KAZN: variants seen among roughly 807,000 people sequenced by gnomAD.
KAZN encodes the protein kazrin.
Under a neutral mutation model 87.4 loss-of-function variants are expected in KAZN, and 40 were observed. The ratio of observed to expected loss-of-function variants is 0.46; its 90% confidence interval spans 0.36 to 0.60. The LOEUF is 0.60. KAZN is among the 20% of genes least tolerant of loss of function. KAZN has a pLI of 0.00. For synonymous variants in KAZN, 466 were observed against 458.3 expected, an observed-to-expected ratio of 1.02 and a Z score of -0.22; for missense variants, 898 against 1,073.9, an observed-to-expected ratio of 0.84 and a Z score of 2.29.
chr1:14,702,367 G>GTGTGTGTGT (rs1641978149), intron 1 of KAZN, among the ~76,000 whole-genome samples: 8 of 52,730 alleles, frequency 1.5e-4, no homozygotes, highest in South Asian at 1.3e-3. Flanking sequence ...TGTGTGTGTG[G>GTGTGTGTGT]ATTTCTCTGT....
At chr1:14,671,433 G>A (rs574803957) in intron 1 of KAZN, among the ~76,000 whole-genome samples, 102 of 152,250 alleles carry the variant, frequency 6.7e-4, no homozygotes, top group African/African-American at 2.5e-3. Flanking sequence ...CACGTACTGG[G>A]GGAGATGGCA....
At chr1:14,542,645 C>G (rs1186020035) in intron 2 of KAZN, among the ~76,000 whole-genome samples, 2 of 152,084 alleles carry the variant, frequency 1.3e-5, no homozygotes, top group Non-Finnish European at 2.9e-5. Flanking sequence ...GAGTGCAGAT[C>G]CCGTCACCCT....
intron 2 of KAZN, chr1:14,304,459 G>A (rs934860848): frequency 2.5e-5 from 10 of 394,706 alleles, no homozygotes; most frequent in Admixed American, 1.8e-4. Context: ...TCCATCCCAC[G>A]AGGTCTGACT....
At chr1:14,093,802 A>G (rs953708516) in intron 1 of KAZN, among the ~76,000 whole-genome samples, 1 of 152,250 alleles carries the variant, frequency 6.6e-6, no homozygotes, top group African/African-American at 2.4e-5. Flanking sequence ...CTTTATGCTT[A>G]GGTTCAATGA....
intron 1 of KAZN, among the ~76,000 whole-genome samples, chr1:14,766,102 A>G (rs192465884): frequency 6.9e-4 from 105 of 152,302 alleles, no homozygotes; most frequent in African/African-American, 2.4e-3. Flanking sequence ...ACAGGAGAGG[A>G]AAACAGACAG....
At chr1:14,389,105 C>G (rs1044469203) in intron 2 of KAZN, among the ~76,000 whole-genome samples, 5 of 152,122 alleles carry the variant, frequency 3.3e-5, no homozygotes, top group African/African-American at 1.2e-4. Flanking sequence ...AAAAGGTGCT[C>G]AACATTATTG....
At chr1:14,346,303 G>A (rs887396069) in intron 2 of KAZN, among the ~76,000 whole-genome samples, 9 of 152,118 alleles carry the variant, frequency 5.9e-5, no homozygotes, top group Non-Finnish European at 1.3e-4. Context: ...GACACAAGGC[G>A]GTCACCAAAT....
At chr1:14,580,879 A>C (rs1675504833) in intron 2 of KAZN, among the ~76,000 whole-genome samples, 1 of 152,122 alleles carries the variant, frequency 6.6e-6, no homozygotes, top group Non-Finnish European at 1.5e-5. Context: ...GCCTATTAGA[A>C]AGTTTTAACA....
rs142660701 is a variant in KAZN, at chr1:15,059,160, G to A, written c.917-1012G>A. 8.0e-4 allele frequency among the ~76,000 whole-genome samples: 120 copies of A among 150,572 alleles called. 2 individuals carry two copies. The East Asian group carries it at 0.023, about 28-fold the overall frequency. On this transcript the variant is annotated intron_variant, in intron 5 of 14. Coordinates refer to ENST00000376030, the MANE Select transcript of KAZN (RefSeq NM_201628.3). ...CTGTGTTGCCCAGGCTGGTTTCGAA[G>A]TCCTGGGCTCAAGCAGTCCTCCCTC...
At chr1:14,980,739 G>A (rs1441003510) in intron 2 of KAZN, among the ~76,000 whole-genome samples, 2 of 152,162 alleles carry the variant, frequency 1.3e-5, no homozygotes, top group African/African-American at 4.8e-5. Context: ...AAACCATTCC[G>A]ATGCCATGAT....
intron 1 of KAZN, among the ~76,000 whole-genome samples, chr1:13,979,032 G>A (rs1189332966): frequency 6.6e-6 from 1 of 151,908 alleles, no homozygotes; most frequent in Non-Finnish European, 1.5e-5. Context: ...GAAGGTTGAG[G>A]CTGCAGTGAG....
chr1:14,893,758 T>C (rs1654974243), intron 1 of KAZN, among the ~76,000 whole-genome samples: 1 of 152,174 alleles, frequency 6.6e-6, no homozygotes, highest in African/African-American at 2.4e-5. Context: ...CTTCAGCCTA[T>C]GTTTAAGGTA....
Position 15,038,505 on chromosome 1 carries a change from C to T in KAZN, c.555+3620C>T, listed in dbSNP as rs924110699. On this transcript the variant is annotated intron_variant, in intron 3 of 14. Transcript: ENST00000376030. ...ACGTTTGTTGTGCATCTGCTGTATA[C>T]AGGCATGAACATGGTATTACCAATA... Among the ~76,000 whole-genome samples the T allele has an allele frequency of 1.2e-4, 19 of 152,156 alleles. 1 individual carries two copies. Among genetic ancestry groups the T allele is most frequent in the Admixed American group, 6.5e-5 (1 of 15,276 alleles).
Position 14,599,495 on chromosome 1 carries a change from C to A in KAZN, c.226+272C>A, listed in dbSNP as rs2148595451. Among the ~76,000 whole-genome samples the A allele has an allele frequency of 6.6e-6, 1 of 152,300 alleles. No individual in the cohort carries two copies. Among genetic ancestry groups the A allele is most frequent in the South Asian group, 2.1e-4 (1 of 4,822 alleles). ...GCGAGGCGCAGCCGGCGGGTCCCTT[C>A]CGGCATCAGAAAGTGCCCTTTCCGT... On this transcript the variant is annotated intron_variant, in intron 1 of 14. Coordinates refer to ENST00000376030, the MANE Select transcript of KAZN (RefSeq NM_201628.3). This position sits in a 1 kb window ranked among gnomAD's most constrained non-coding sequence, Gnocchi z 4.4.
intron 2 of KAZN, among the ~76,000 whole-genome samples, chr1:14,965,058 T>A (rs956417012): frequency 6.7e-6 from 1 of 150,008 alleles, no homozygotes; most frequent in Non-Finnish European, 1.5e-5. Context: ...TGAGACAGAG[T>A]CTCACTCTGT....
chr1:14,864,621 A>G (rs1398269727), intron 1 of KAZN, among the ~76,000 whole-genome samples: 1 of 152,150 alleles, frequency 6.6e-6, no homozygotes, highest in Non-Finnish European at 1.5e-5. Context: ...TGGGACGGAC[A>G]CAGCCCTAAA....
At chr1:14,481,559 T>C (rs2148392300) in intron 2 of KAZN, among the ~76,000 whole-genome samples, 1 of 152,276 alleles carries the variant, frequency 6.6e-6, no homozygotes, top group African/African-American at 2.4e-5. Context: ...GATCTCTGGC[T>C]CTCAGATGGC....
At position 15,110,101 on chromosome 1, in the gene KAZN, G is replaced by A. The variant is rs558960224; in HGVS notation, c.2049-2326G>A. Among the ~76,000 whole-genome samples, 269 of 141,434 alleles carry A rather than the reference G, an allele frequency of 1.9e-3. 1 individual carries two copies. The highest frequency in any genetic ancestry group is 2.4e-3 in the Non-Finnish European group (155 of 64,118). 92.8% of individuals were successfully genotyped at this position (141,434 alleles called of 152,430 possible). ...TATGTGTGTATATGTATGTGTGTAT[G>A]TGCGTATTTGTGTGTGTATTTGTGT... On this transcript the variant is annotated intron_variant, in intron 13 of 14. Transcript: ENST00000376030.
At chr1:14,847,049 AT>A (rs750828026) in intron 1 of KAZN, among the ~76,000 whole-genome samples, 1 of 152,036 alleles carries the variant, frequency 6.6e-6, no homozygotes, top group African/African-American at 2.4e-5. Context: ...GTGGGTAGTG[AT>A]TTTTTTCTCC....
Sources: allele counts gnomAD v4.1 joint callset (sites outside exome capture counted in the v4.1 genomes callset), GRCh38; gene constraint gnomAD v4.1.1; non-coding constraint Gnocchi (gnomAD v3.1); transcripts MANE v1.5; gene names NCBI Gene and HGNC (gene_info 2026-07-23, HGNC 2026-07-21).